Variants in NUP98 observed in about 807,000 individuals in gnomAD.
The protein encoded by NUP98 is nuclear pore complex protein Nup98-Nup96.
In NUP98, 26 loss-of-function variants were observed where a neutral mutation model predicts 191.9. That is an observed-to-expected ratio of 0.14 (90% confidence interval 0.10 to 0.19). The LOEUF (loss-of-function observed/expected upper bound fraction) is 0.19, where lower values mean the gene tolerates loss of function less well. Ranked by LOEUF, NUP98 falls within the 10% of genes least tolerant of loss-of-function variation. The probability of loss-of-function intolerance (pLI) is 1.00; values close to 1 mark genes in which losing one functional copy is unlikely to be tolerated. For synonymous variants in NUP98, 808 were observed against 778.4 expected, an observed-to-expected ratio of 1.04 and a Z score of -0.63; for missense variants, 1,941 against 2,178.8, an observed-to-expected ratio of 0.89 and a Z score of 2.17.
Position 3,675,634 on chromosome 11 carries a change from A to T in NUP98, c.*525T>A, listed in dbSNP as rs574183933. ...CAGAAAGATCCCATTTTGTTTCCTAACTCAGGCCAACCCTCCTTTGCCTCC... is the reference window on the plus strand; with the variant it reads ...CAGAAAGATCCCATTTTGTTTCCTATCTCAGGCCAACCCTCCTTTGCCTCC... On this transcript the variant is annotated 3_prime_UTR_variant, in exon 33 of 33. Coordinates refer to ENST00000324932, the MANE Select transcript of NUP98 (RefSeq NM_016320.5). 9 of 240,690 alleles carry T rather than the reference A, an allele frequency of 3.7e-5. No homozygotes were observed. Among genetic ancestry groups the T allele is most frequent in the African/African-American group, 2.0e-4 (9 of 45,346 alleles). The allele number at this position is 240,690 out of a possible 1,614,324, so 14.9% of individuals were successfully genotyped here.
At chr11:3,775,618 ATTC>A (rs2081692059) in intron 5 of NUP98, among the ~76,000 whole-genome samples, 1 of 152,196 alleles carries the variant, frequency 6.6e-6, no homozygotes, top group Admixed American at 6.6e-5. Flanking sequence ...GTAAATTCAA[ATTC>A]TACCTTACAC....
intron 14 of NUP98, 40 bp from the exon 15 acceptor site, chr11:3,725,259 C>G (rs1374865065): frequency 5.4e-6 from 5 of 932,958 alleles, no homozygotes; most frequent in Non-Finnish European, 8.6e-6. Flanking sequence ...AAAAATTACT[C>G]AGGCATACAG....
chr11:3,697,600 C>T lies in NUP98; in HGVS notation c.4009+1482G>A, dbSNP rs112764808. Among the ~76,000 whole-genome samples, 1,036 of 151,878 alleles carry T rather than the reference C, an allele frequency of 6.8e-3. 11 individuals carry two copies. The highest frequency in any genetic ancestry group is 0.024 in the African/African-American group (979 of 41,436). ...AAAGTGGGTGGATCACTGGAAGTCA[C>T]GAGTTTGAGACCACCCTGGCCAACA... On this transcript the variant is annotated intron_variant, in intron 25 of 32. Transcript: ENST00000324932.
Position 3,796,671 on chromosome 11 carries a change from G to A in NUP98, c.-29+729C>T, listed in dbSNP as rs549697190. On this transcript the variant is annotated intron_variant, in intron 1 of 32. Transcript: ENST00000324932. ...TGGGAGACTGAAATATCCAGGGAGGGTGAGGTAGTAGAAAACTGTTTAGAC... is the reference window on the plus strand; with the variant it reads ...TGGGAGACTGAAATATCCAGGGAGGATGAGGTAGTAGAAAACTGTTTAGAC... 8.5e-5 allele frequency among the ~76,000 whole-genome samples: 13 copies of A among 152,326 alleles called. 1 individual carries two copies. In the South Asian group the frequency reaches 1.2e-3, roughly 15 times the overall value.
chr11:3,707,512 C>A (rs2078894266), intron 20 of NUP98, among the ~76,000 whole-genome samples: 2 of 151,678 alleles, frequency 1.3e-5, no homozygotes, highest in African/African-American at 2.4e-5. Flanking sequence ...CTTTGGGAGG[C>A]CGAGGTGGGC....
intron 11 of NUP98, among the ~76,000 whole-genome samples, chr11:3,752,160 A>T (rs995106723): frequency 3.3e-5 from 5 of 151,402 alleles, no homozygotes; most frequent in Non-Finnish European, 4.4e-5. Flanking sequence ...AAAAAAGGGA[A>T]ATTGAAAAAA....
At chr11:3,784,509 G>C (rs368108470) in intron 1 of NUP98, among the ~76,000 whole-genome samples, 3 of 151,580 alleles carry the variant, frequency 2.0e-5, no homozygotes, top group South Asian at 4.1e-4. Flanking sequence ...CAATGCTTTG[G>C]GAAGCTGAGG....
Position 3,793,681 on chromosome 11 carries a change from G to A in NUP98, c.-29+3719C>T, listed in dbSNP as rs145855053. ...AATTAAGTACAAATTCCTCAATGTGGTAATTATGGCTGGGCATGGTGGCTC... is the reference window on the plus strand; with the variant it reads ...AATTAAGTACAAATTCCTCAATGTGATAATTATGGCTGGGCATGGTGGCTC... On this transcript the variant is annotated intron_variant, in intron 1 of 32. Transcript: ENST00000324932. Among the ~76,000 whole-genome samples the A allele has an allele frequency of 1.5e-3, 234 of 151,960 alleles. 1 individual carries two copies. The highest frequency in any genetic ancestry group is 5.4e-3 in the African/African-American group (224 of 41,464).
intron 16 of NUP98, among the ~76,000 whole-genome samples, chr11:3,722,105 C>CTTTTTT (rs923606079): frequency 9.2e-6 from 1 of 108,264 alleles, no homozygotes; most frequent in Non-Finnish European, 1.9e-5. Flanking sequence ...ACCTGGAATT[C>CTTTTTT]TTTTTTTTTT....
At chr11:3,740,273 G>T (rs1289846795) in intron 12 of NUP98, among the ~76,000 whole-genome samples, 1 of 152,164 alleles carries the variant, frequency 6.6e-6, no homozygotes, top group Non-Finnish European at 1.5e-5. Flanking sequence ...CACTTTGGGA[G>T]GCCGAAGCGA....
intron 2 of NUP98, among the ~76,000 whole-genome samples, chr11:3,779,596 G>A (rs1369878945): frequency 2.6e-5 from 4 of 151,264 alleles, no homozygotes; most frequent in South Asian, 2.1e-4. Context: ...AGCCAAGATC[G>A]TGCCACTGCA....
At position 3,720,771 on chromosome 11, in the gene NUP98, G is replaced by A. The variant is rs373207404; in HGVS notation, c.2201C>T (p.Ala734Val). The change falls in exon 17 of 33, where the codon GCT becomes GTT. Residue 734 changes from alanine (A) to valine (V), a missense_variant. Ala to Val is a moderately conservative substitution (Grantham distance 64). Around this residue, in one of 6 missense-constraint regions of NUP98, gnomAD observed 453 missense variants for 438.2 expected, o/e 1.03. Transcript: ENST00000324932. ...YYTIPSMDDL[A>V]KITNEKGECI... ...CTCTCCTTTTTCATTGGTAATTTTA[G>A]CAAGGTCATCCATAGATGGAATAGT... 12 of 1,573,684 alleles carry A rather than the reference G, an allele frequency of 7.6e-6. No homozygotes were observed. The African/African-American group carries it at 1.3e-4, about 17-fold the overall frequency.
chr11:3,771,669 A>T (rs1402404409), intron 7 of NUP98, 79 bp downstream of exon 7: 2 of 1,281,916 alleles, frequency 1.6e-6, no homozygotes, highest in Non-Finnish European at 2.2e-6. Context: ...CATAGCACTT[A>T]TCCCAAAATG....
At chr11:3,789,773 T>C (rs2082273446) in intron 1 of NUP98, among the ~76,000 whole-genome samples, 1 of 151,908 alleles carries the variant, frequency 6.6e-6, no homozygotes, top group African/African-American at 2.4e-5. Flanking sequence ...CAGGCCCATT[T>C]ACTTATTTTT....
chr11:3,737,640 C>T (rs1379654989), intron 12 of NUP98, among the ~76,000 whole-genome samples: 3 of 151,964 alleles, frequency 2.0e-5, no homozygotes, highest in Non-Finnish European at 4.4e-5. Flanking sequence ...AACAAACAAA[C>T]AAACAAAAAC....
At chr11:3,699,571 G>C (rs781588484) in intron 24 of NUP98, among the ~76,000 whole-genome samples, 8 of 152,108 alleles carry the variant, frequency 5.3e-5, no homozygotes, top group Non-Finnish European at 1.2e-4. Context: ...ATGTTTCTGT[G>C]GTACTTACAT....
chr11:3,693,141 A>G (rs1263335385), intron 27 of NUP98, 91 bp downstream of exon 27: 1 of 1,285,042 alleles, frequency 7.8e-7, no homozygotes, highest in African/African-American at 1.5e-5. Context: ...AGTAAAGGAT[A>G]GTTTCCCATC....
chr11:3,769,366 C>T (rs1408520711), intron 7 of NUP98, among the ~76,000 whole-genome samples: 3 of 151,870 alleles, frequency 2.0e-5, no homozygotes, highest in East Asian at 1.9e-4. Flanking sequence ...TTTGAGGCAG[C>T]GGGGAGCTGT....
intron 20 of NUP98, among the ~76,000 whole-genome samples, chr11:3,710,372 A>T (rs2078994997): frequency 6.6e-6 from 1 of 152,200 alleles, no homozygotes; most frequent in African/African-American, 2.4e-5. Flanking sequence ...AGTTACCTTT[A>T]TGTTTTCTGG....
Sources: allele counts gnomAD v4.1 joint callset (sites outside exome capture counted in the v4.1 genomes callset), GRCh38; gene constraint gnomAD v4.1.1; regional missense constraint gnomAD v4.1.1; transcripts MANE v1.5; gene names NCBI Gene and HGNC (gene_info 2026-07-23, HGNC 2026-07-21).